SH3GL2: variants seen among roughly 807,000 people sequenced by gnomAD.
SH3GL2 encodes endophilin-A1.
A neutral mutation model predicts 46.0 loss-of-function variants in SH3GL2; 24 were observed. The observed-to-expected ratio is 0.52, with a 90% CI of 0.38 to 0.73. The LOEUF (loss-of-function observed/expected upper bound fraction) is 0.73, where lower values mean the gene tolerates loss of function less well. SH3GL2 is among the 30% of genes least tolerant of loss of function. SH3GL2 has a pLI of 0.00. For missense variants in SH3GL2, 413 were observed against 424.2 expected (o/e 0.97, Z 0.23); for synonymous variants, 196 against 147.1 (o/e 1.33, Z -2.40).
rs1818931357 is a variant in SH3GL2 at position 17,614,189 on chromosome 9, C to A, written c.45+34902C>A. Among the ~76,000 whole-genome samples, 2 of 146,704 alleles carry A rather than the reference C, an allele frequency of 1.4e-5. 1 individual carries two copies. The highest frequency in any genetic ancestry group is 4.3e-4 in the South Asian group (2 of 4,604). On this transcript the variant is annotated intron_variant, in intron 1 of 8. Coordinates refer to ENST00000380607, the MANE Select transcript of SH3GL2 (RefSeq NM_003026.5). ...TTTCTAGGTGCTGTAAATTGCTGAT[C>A]ATTCTCAGTAAATCACCAGCATTCT...
intron 1 of SH3GL2, among the ~76,000 whole-genome samples, chr9:17,696,516 C>G (rs1055742867): frequency 6.6e-6 from 1 of 151,994 alleles, no homozygotes; most frequent in African/African-American, 2.4e-5. Context: ...GGGGAGGTCT[C>G]AGGAAACTTA....
At chr9:17,590,982 A>C (rs1818471284) in intron 1 of SH3GL2, 1 of 151,834 alleles carries the variant, frequency 6.6e-6, no homozygotes, top group Admixed American at 6.6e-5. Context: ...CTGGTCTTGC[A>C]CTCCTACTCA....
intron 1 of SH3GL2, among the ~76,000 whole-genome samples, chr9:17,696,199 T>A (rs1821198240): frequency 6.6e-6 from 1 of 152,192 alleles, no homozygotes; most frequent in Non-Finnish European, 1.5e-5. Flanking sequence ...TTTCCTTTTT[T>A]AAAGAGAACA....
intron 1 of SH3GL2, among the ~76,000 whole-genome samples, chr9:17,743,367 C>A (rs1485774192): frequency 6.6e-5 from 10 of 151,958 alleles, no homozygotes; most frequent in Admixed American, 6.6e-4. Context: ...TTTTTTATAT[C>A]AACCAACCAT....
chr9:17,615,944 C>T (rs941462712), intron 1 of SH3GL2, among the ~76,000 whole-genome samples: 1 of 152,002 alleles, frequency 6.6e-6, no homozygotes, highest in Admixed American at 6.5e-5. Flanking sequence ...AATTGTTGTT[C>T]TGTGAATGAG....
chr9:17,786,404 A>T lies in SH3GL2; in HGVS notation c.211A>T (p.Ile71Phe). 2.5e-6 allele frequency: 4 copies of T among 1,613,238 alleles called. No individual in the cohort carries two copies. The highest frequency in any genetic ancestry group is 1.7e-4 in the Middle Eastern group (1 of 6,046). Reference protein sequence around the residue: ...NPASRAKLSMINTMSKIRGQE... With the variant: ...NPASRAKLSMFNTMSKIRGQE... ...AGCTTCCAGAGCTAAGCTCAGCATG[A>T]TCAACACCATGTCAAAAATCCGTGG... The change falls in exon 4 of 9, where the codon ATC becomes TTC. Residue 71 changes from isoleucine (I) to phenylalanine (F), a missense_variant. Physicochemically the swap from Ile to Phe is conservative, Grantham distance 21. This residue lies in a region of SH3GL2 where 160 missense variants were observed against 192.3 expected (regional missense o/e 0.83). Coordinates refer to ENST00000380607, the MANE Select transcript of SH3GL2 (RefSeq NM_003026.5).
At chr9:17,606,293 A>G (rs1818760371) in intron 1 of SH3GL2, among the ~76,000 whole-genome samples, 2 of 152,216 alleles carry the variant, frequency 1.3e-5, no homozygotes, top group Admixed American at 6.5e-5. Context: ...AGGTTTCACC[A>G]TCTCGGTCAG....
chr9:17,676,168 A>G (rs1820603948), intron 1 of SH3GL2, among the ~76,000 whole-genome samples: 2 of 152,226 alleles, frequency 1.3e-5, no homozygotes, highest in African/African-American at 2.4e-5. Flanking sequence ...TCTGAAAAAC[A>G]TAAATCCCTG....
chr9:17,652,412 T>C (rs1819978249), intron 1 of SH3GL2, among the ~76,000 whole-genome samples: 1 of 152,114 alleles, frequency 6.6e-6, no homozygotes, highest in African/African-American at 2.4e-5. Context: ...CTTTATTATA[T>C]TGAGGTAAGA....
chr9:17,622,185 G>A (rs890127831), intron 1 of SH3GL2, among the ~76,000 whole-genome samples: 3 of 151,952 alleles, frequency 2.0e-5, no homozygotes, highest in Admixed American at 2.0e-4. Context: ...TATTATTTAG[G>A]GATTATTTAT....
chr9:17,707,435 GCAAT>G (rs1232720578), intron 1 of SH3GL2, among the ~76,000 whole-genome samples: 2 of 151,980 alleles, frequency 1.3e-5, no homozygotes, highest in Non-Finnish European at 2.9e-5. Context: ...TGAAAGCTGT[GCAAT>G]CAAAGGACAA....
At chr9:17,669,494 T>C (rs967242425) in intron 1 of SH3GL2, among the ~76,000 whole-genome samples, 7 of 152,336 alleles carry the variant, frequency 4.6e-5, no homozygotes, top group Admixed American at 3.3e-4. Flanking sequence ...TTTGTCATTT[T>C]AGTGGCATTA....
At chr9:17,739,603 A>C (rs1252429656) in intron 1 of SH3GL2, among the ~76,000 whole-genome samples, 1 of 97,574 alleles carries the variant, frequency 1.0e-5, no homozygotes, top group Non-Finnish European at 2.1e-5. Context: ...GGGGGAGTTG[A>C]AAAATAGAGA....
At chr9:17,721,570 A>AT (rs1821894827) in intron 1 of SH3GL2, among the ~76,000 whole-genome samples, 1 of 151,954 alleles carries the variant, frequency 6.6e-6, no homozygotes, top group Non-Finnish European at 1.5e-5. Context: ...TTTTCTGGTA[A>AT]TTTTTTTGGA....
At chr9:17,652,359 G>C (rs563149159) in intron 1 of SH3GL2, among the ~76,000 whole-genome samples, 1 of 151,540 alleles carries the variant, frequency 6.6e-6, no homozygotes, top group Non-Finnish European at 1.5e-5. Context: ...TTATATTTCA[G>C]ATATGTGCAG....
intron 6 of SH3GL2, among the ~76,000 whole-genome samples, chr9:17,790,834 G>A (rs1011881171): frequency 6.6e-6 from 1 of 152,140 alleles, no homozygotes; most frequent in Non-Finnish European, 1.5e-5. Flanking sequence ...TTTATTAACA[G>A]TACCGATATT....
At chr9:17,701,116 A>G (rs1450542700) in intron 1 of SH3GL2, among the ~76,000 whole-genome samples, 2 of 152,136 alleles carry the variant, frequency 1.3e-5, no homozygotes, top group Non-Finnish European at 2.9e-5. Flanking sequence ...GAGGGTAGAG[A>G]GTGAAAATGG....
At position 17,759,718 on chromosome 9, in the gene SH3GL2, C is replaced by G. The variant is rs1823113383; in HGVS notation, c.115-1719C>G. Among the ~76,000 whole-genome samples, 4 of 152,238 alleles carry G rather than the reference C, an allele frequency of 2.6e-5. No homozygotes were observed. In the South Asian group the frequency reaches 8.3e-4, roughly 32 times the overall value. Reference sequence around the variant, plus strand: ...GGGAACCTTAGAAATTGGTCAGCCCCTTAACAGCAGATGACATCAGGATAT... The same window carrying G: ...GGGAACCTTAGAAATTGGTCAGCCCGTTAACAGCAGATGACATCAGGATAT... On this transcript the variant is annotated intron_variant, in intron 2 of 8. Coordinates refer to ENST00000380607, the MANE Select transcript of SH3GL2 (RefSeq NM_003026.5).
At chr9:17,581,474 G>T (rs1818276053) in intron 1 of SH3GL2, among the ~76,000 whole-genome samples, 1 of 152,162 alleles carries the variant, frequency 6.6e-6, no homozygotes, top group Non-Finnish European at 1.5e-5. Context: ...TAAGGCACAG[G>T]TGACTGTTCT....
Sources: allele counts gnomAD v4.1 joint callset (sites outside exome capture counted in the v4.1 genomes callset), GRCh38; gene constraint gnomAD v4.1.1; regional missense constraint gnomAD v4.1.1; transcripts MANE v1.5; gene names NCBI Gene and HGNC (gene_info 2026-07-23, HGNC 2026-07-21).